The following CLEC9A variants were observed in gnomAD, a reference collection of about 807,000 sequenced individuals.
CLEC9A encodes C-type lectin domain containing 9A.
In CLEC9A, 24 loss-of-function variants were observed where a neutral mutation model predicts 30.0. The observed-to-expected ratio is 0.80, with a 90% CI of 0.58 to 1.13. The LOEUF (loss-of-function observed/expected upper bound fraction) is 1.13. Among genes scored for constraint, CLEC9A ranks in the 50% most tolerant of loss-of-function variants. CLEC9A has a pLI of 0.00. For missense variants in CLEC9A, 251 were observed against 280.9 expected, an observed-to-expected ratio of 0.89 and a Z score of 0.76; for synonymous variants, 111 against 96.8, an observed-to-expected ratio of 1.15 and a Z score of -0.86.
At chr12:10,040,016 T>A (rs556268269) in intron 1 of CLEC9A, among the ~76,000 whole-genome samples, 6 of 152,230 alleles carry the variant, frequency 3.9e-5, no homozygotes, top group African/African-American at 1.4e-4. Context: ...AGAGACAAAG[T>A]TTCGCCACGT....
chr12:10,054,879 A>T (rs1038773449), intron 5 of CLEC9A, among the ~76,000 whole-genome samples: 2 of 152,222 alleles, frequency 1.3e-5, no homozygotes, highest in Non-Finnish European at 2.9e-5. Context: ...AGAGCTTCAG[A>T]TTCCAGAAAA....
intron 8 of CLEC9A, among the ~76,000 whole-genome samples, chr12:10,065,214 C>T (rs1293296472): frequency 6.6e-6 from 1 of 152,114 alleles, no homozygotes; most frequent in Non-Finnish European, 1.5e-5. Context: ...AATCAGGTGC[C>T]TTCATATTTT....
At chr12:10,065,319 T>C (rs112212644) in intron 8 of CLEC9A, among the ~76,000 whole-genome samples, 181 bp from the exon 9 acceptor site, 1 of 152,318 alleles carries the variant, frequency 6.6e-6, no homozygotes, top group East Asian at 1.9e-4. Context: ...GTTCAAATTA[T>C]ATTAACATTC....
intron 2 of CLEC9A, among the ~76,000 whole-genome samples, chr12:10,050,827 G>A (rs1226788603): frequency 1.3e-5 from 2 of 152,134 alleles, no homozygotes; most frequent in Non-Finnish European, 2.9e-5. Flanking sequence ...CAAGATAGAA[G>A]TGATCCTACT....
In CLEC9A at chr12:10,065,648, A is replaced by C. The variant is rs1866038606; in HGVS notation, c.*16A>C. ...CTCTGTCTGAAAGAAATTGTGTTCAAAGTGTTCTATTACACTGTTATTTGG... is the reference window on the plus strand; with the variant it reads ...CTCTGTCTGAAAGAAATTGTGTTCACAGTGTTCTATTACACTGTTATTTGG... On this transcript the variant is annotated 3_prime_UTR_variant, in exon 9 of 9. Coordinates refer to ENST00000355819, the MANE Select transcript of CLEC9A (RefSeq NM_207345.4). 1 of 1,613,236 alleles carries C rather than the reference A, an allele frequency of 6.2e-7. No individual in the cohort carries two copies. Among genetic ancestry groups the C allele is most frequent in the African/African-American group, 1.3e-5 (1 of 74,854 alleles).
intron 5 of CLEC9A, among the ~76,000 whole-genome samples, chr12:10,055,350 A>G (rs1865932378): frequency 6.6e-6 from 1 of 152,246 alleles, no homozygotes; most frequent in South Asian, 2.1e-4. Context: ...TATTTAAAAG[A>G]CCAGTTCAGT....
At chr12:10,033,561 A>G (rs895236637) in intron 1 of CLEC9A, among the ~76,000 whole-genome samples, 3 of 152,178 alleles carry the variant, frequency 2.0e-5, no homozygotes, top group Non-Finnish European at 2.9e-5. Context: ...TTCCATACCT[A>G]CGGTTCCTCT....
chr12:10,042,836 C>T (rs889994183), intron 2 of CLEC9A, among the ~76,000 whole-genome samples: 1 of 152,176 alleles, frequency 6.6e-6, no homozygotes, highest in Non-Finnish European at 1.5e-5. Flanking sequence ...AGTTTTAAAT[C>T]TAAGGAATAT....
chr12:10,053,022 AC>A (rs898876247), intron 4 of CLEC9A, among the ~76,000 whole-genome samples: 2 of 152,174 alleles, frequency 1.3e-5, no homozygotes, highest in African/African-American at 4.8e-5. Flanking sequence ...GAAAAGCAAT[AC>A]CTAGATTTGG....
At chr12:10,048,641 A>C (rs546528268) in intron 2 of CLEC9A, among the ~76,000 whole-genome samples, 20 of 152,332 alleles carry the variant, frequency 1.3e-4, no homozygotes, top group Middle Eastern at 6.8e-3. Flanking sequence ...TTGCTCATCC[A>C]TAGGAAGCAG....
At chr12:10,047,971 G>A (rs1384675074) in intron 2 of CLEC9A, among the ~76,000 whole-genome samples, 1 of 151,914 alleles carries the variant, frequency 6.6e-6, no homozygotes, top group African/African-American at 2.4e-5. Context: ...GGTGGCTCAC[G>A]CCCTGTAATC....
intron 2 of CLEC9A, among the ~76,000 whole-genome samples, chr12:10,049,639 A>G (rs1384576076): frequency 2.0e-5 from 3 of 152,190 alleles, no homozygotes; most frequent in African/African-American, 7.2e-5. Flanking sequence ...GCTAGCTTCC[A>G]ATTTTTCTTC....
chr12:10,047,999 C>T (rs1387399585), intron 2 of CLEC9A, among the ~76,000 whole-genome samples: 4 of 151,114 alleles, frequency 2.6e-5, no homozygotes, highest in Non-Finnish European at 5.9e-5. Flanking sequence ...TTTGGGAGGC[C>T]GAGGCGGGTG....
At chr12:10,061,057 G>C in intron 5 of CLEC9A, 70 bp from the exon 6 acceptor site, 1 of 1,518,710 alleles carries the variant, frequency 6.6e-7, no homozygotes, top group Non-Finnish European at 8.9e-7. Context: ...CTTGTCTTTA[G>C]TCTGTGTTGA....
chr12:10,064,968 C>G lies in CLEC9A; in HGVS notation c.593+115C>G. On this transcript the variant is annotated intron_variant, in intron 8 of 8. Transcript: ENST00000355819. ...AGGGACAAGCAGCATGATAATGTTA[C>G]AGGCGGCTAATTGGGATTAAAGCTA... The G allele has an allele frequency of 3.2e-6, 4 of 1,268,892 alleles. No individual in the cohort carries two copies. In the South Asian group the frequency reaches 7.0e-5, roughly 22 times the overall value. The allele number at this position is 1,268,892 out of a possible 1,614,324, so 78.6% of individuals were successfully genotyped here.
chr12:10,051,611 G>C (rs139377664), intron 2 of CLEC9A, among the ~76,000 whole-genome samples: 64 of 152,258 alleles, frequency 4.2e-4, no homozygotes, highest in African/African-American at 1.5e-3. Flanking sequence ...CTAGGGAGAA[G>C]ACTGATGAAT....
chr12:10,057,402 CT>C (rs1372702655), intron 5 of CLEC9A, among the ~76,000 whole-genome samples: 1 of 151,714 alleles, frequency 6.6e-6, no homozygotes, highest in African/African-American at 2.4e-5. Context: ...AAACTATAAC[CT>C]TTTATTTAAA....
intron 7 of CLEC9A, 78 bp downstream of exon 7, chr12:10,063,284 G>A (rs1866013588): frequency 2.1e-5 from 27 of 1,310,096 alleles, no homozygotes; most frequent in Non-Finnish European, 2.7e-5. Flanking sequence ...ATTCTCATAA[G>A]ACAAAATTCC....
intron 4 of CLEC9A, 93 bp from the exon 5 acceptor site, chr12:10,054,178 A>T: frequency 2.0e-6 from 2 of 1,006,380 alleles, no homozygotes; most frequent in Middle Eastern, 4.1e-4. Flanking sequence ...GCCAATGTTA[A>T]TTCCTTCTTT....
Sources: gnomAD v4.1 joint callset for allele counts (sites outside exome capture counted in the v4.1 genomes callset) on GRCh38, gnomAD v4.1.1 for gene constraint, MANE v1.5 for transcripts, NCBI Gene and HGNC (gene_info 2026-07-23, HGNC 2026-07-21) for gene names.